Variants in CEP112 observed in about 807,000 individuals in gnomAD.
The protein encoded by CEP112 is centrosomal protein 112.
CEP112 carries 127 observed loss-of-function variants against 153.0 expected under a neutral mutation model. That is an observed-to-expected ratio of 0.83 (90% CI 0.72 to 0.96). The LOEUF (loss-of-function observed/expected upper bound fraction) is 0.96. Ranked by LOEUF, CEP112 falls within the 40% of genes least tolerant of loss-of-function variation. The pLI is 0.00. For missense variants in CEP112, 1,089 were observed against 1,101.2 expected (o/e 0.99, Z 0.16); for synonymous variants, 358 against 374.4 (o/e 0.96, Z 0.51).
intron 20 of CEP112, among the ~76,000 whole-genome samples, chr17:65,877,855 A>G (rs1241573097): frequency 6.6e-6 from 1 of 152,228 alleles, no homozygotes; most frequent in African/African-American, 2.4e-5. Flanking sequence ...ACAATGGAAT[A>G]TTATTCACCC....
chr17:65,657,539 C>T (rs760494861), intron 24 of CEP112, among the ~76,000 whole-genome samples: 34 of 152,116 alleles, frequency 2.2e-4, no homozygotes, highest in Non-Finnish European at 4.3e-4. Context: ...TCCCTGAAAG[C>T]GTTTGGGGAA....
chr17:66,164,505 G>C (rs149123684), intron 4 of CEP112, among the ~76,000 whole-genome samples: 5,035 of 149,950 alleles, frequency 0.034, 125 homozygotes, highest in Middle Eastern at 0.059. Context: ...TGCAGTGAGG[G>C]GAGATCGCGC....
At chr17:65,970,139 G>A (rs935425387) in intron 17 of CEP112, among the ~76,000 whole-genome samples, 1 of 152,140 alleles carries the variant, frequency 6.6e-6, no homozygotes, top group Admixed American at 6.5e-5. Context: ...TTGCATTTAT[G>A]TATTTTGCAT....
At chr17:65,915,924 AC>A (rs2060464196) in intron 19 of CEP112, among the ~76,000 whole-genome samples, 1 of 151,972 alleles carries the variant, frequency 6.6e-6, no homozygotes. Flanking sequence ...CCTGTACTGT[AC>A]TTTGGCTCCT....
In CEP112 at chr17:65,902,216, T is replaced by C; in HGVS notation, c.2099A>G (p.Gln700Arg). 2 of 1,614,060 alleles carry C rather than the reference T, an allele frequency of 1.2e-6. No individual in the cohort carries two copies. Among genetic ancestry groups the C allele is most frequent in the Non-Finnish European group, 1.7e-6 (2 of 1,179,990 alleles). Residue 700 changes from glutamine (Q) to arginine (R), a missense_variant, in exon 20 of 27, where the codon CAG becomes CGG. Coordinates refer to ENST00000535342, the MANE Select transcript of CEP112 (RefSeq NM_001199165.4). ...GTGCTCCATATTGGCAGCGCGAAGCTGTTTTTCCAGGTTTTCAATTTCCCG... is the reference window on the plus strand; with the variant it reads ...GTGCTCCATATTGGCAGCGCGAAGCCGTTTTTCCAGGTTTTCAATTTCCCG... The part of the protein sequence containing the change: ...HEREIENLEK[Q>R]LRAANMEHEN...
chr17:65,869,104 T>C (rs2058570205), intron 20 of CEP112, among the ~76,000 whole-genome samples: 1 of 152,228 alleles, frequency 6.6e-6, no homozygotes, highest in African/African-American at 2.4e-5. Flanking sequence ...TTTTCTATTT[T>C]TAACCTGCTG....
intron 23 of CEP112, among the ~76,000 whole-genome samples, chr17:65,740,121 G>A (rs2051044602): frequency 1.3e-5 from 2 of 151,972 alleles, no homozygotes; most frequent in South Asian, 4.2e-4. Context: ...TATGTTTTGG[G>A]ATGTGCATTT....
chr17:65,970,702 G>A (rs913728987), intron 17 of CEP112, among the ~76,000 whole-genome samples: 3 of 120,252 alleles, frequency 2.5e-5, no homozygotes, highest in Admixed American at 9.7e-5. Flanking sequence ...CATATTACAT[G>A]CATACACATG....
At chr17:66,001,429 T>C (rs1333187041) in intron 17 of CEP112, among the ~76,000 whole-genome samples, 3 of 152,244 alleles carry the variant, frequency 2.0e-5, no homozygotes, top group Non-Finnish European at 4.4e-5. Flanking sequence ...GAACTACTAC[T>C]GTACATATAC....
At chr17:65,834,765 A>C (rs2057234215) in intron 21 of CEP112, among the ~76,000 whole-genome samples, 1 of 152,198 alleles carries the variant, frequency 6.6e-6, no homozygotes, top group African/African-American at 2.4e-5. Flanking sequence ...AAATTAGTTC[A>C]ACCATTGTGG....
intron 24 of CEP112, among the ~76,000 whole-genome samples, chr17:65,672,113 C>T (rs965563680): frequency 6.6e-6 from 1 of 152,148 alleles, no homozygotes; most frequent in African/African-American, 2.4e-5. Flanking sequence ...AACTGTAATA[C>T]TCCTAAATAC....
chr17:65,739,266 A>T (rs577047109), intron 23 of CEP112, among the ~76,000 whole-genome samples: 2 of 152,326 alleles, frequency 1.3e-5, no homozygotes, highest in South Asian at 4.1e-4. Flanking sequence ...TTCTGATCCA[A>T]AGAATTATGG....
rs548583381 is a variant in CEP112 at position 66,062,182 on chromosome 17, C to T, written c.1074+781G>A. ...CCTTTATAAATTACCCAGTCTCAGGCAGTTCTTTATAACAGTATGAAAATG... is the reference window on the plus strand; with the variant it reads ...CCTTTATAAATTACCCAGTCTCAGGTAGTTCTTTATAACAGTATGAAAATG... On this transcript the variant is annotated intron_variant, in intron 11 of 26. Transcript: ENST00000535342. Among the ~76,000 whole-genome samples the T allele has an allele frequency of 2.7e-4, 41 of 151,496 alleles. No homozygotes were observed. In the East Asian group the frequency reaches 4.1e-3, roughly 15 times the overall value.
chr17:65,906,058 G>A (rs2060066263), intron 19 of CEP112, among the ~76,000 whole-genome samples: 1 of 151,946 alleles, frequency 6.6e-6, no homozygotes, highest in African/African-American at 2.4e-5. Flanking sequence ...TAAAGAAAAT[G>A]TGGCACATTT....
At chr17:66,129,704 T>C in intron 6 of CEP112, 42 bp downstream of exon 6, 4 of 1,318,920 alleles carry the variant, frequency 3.0e-6, no homozygotes, top group Non-Finnish European at 4.3e-6. Flanking sequence ...CAATATGATT[T>C]TGACACATCT....
intron 24 of CEP112, among the ~76,000 whole-genome samples, chr17:65,659,727 T>G (rs2046250307): frequency 6.6e-6 from 1 of 152,208 alleles, no homozygotes; most frequent in African/African-American, 2.4e-5. Context: ...AATACTTCCT[T>G]TAGGCTTTCT....
rs551862156 is a variant in CEP112, at chr17:66,170,300, C to A, written c.470+4744G>T. ...TTTATCAGACCTCCATGGTAAGTAT[C>A]TGAAGGCTGATCAGAAAGATAATAT... On this transcript the variant is annotated intron_variant, in intron 4 of 26. Coordinates refer to ENST00000535342, the MANE Select transcript of CEP112 (RefSeq NM_001199165.4). Among the ~76,000 whole-genome samples, 4 of 152,226 alleles carry A rather than the reference C, an allele frequency of 2.6e-5. No individual in the cohort carries two copies. The East Asian group carries it at 7.7e-4, about 29-fold the overall frequency.
At chr17:65,821,740 T>C (rs1478020076) in intron 21 of CEP112, among the ~76,000 whole-genome samples, 3 of 150,240 alleles carry the variant, frequency 2.0e-5, no homozygotes, top group Non-Finnish European at 4.4e-5. Context: ...TTAGTAGAGA[T>C]GAGGTTTCGC....
chr17:65,660,466 CCT>C (rs1252846227), intron 24 of CEP112, among the ~76,000 whole-genome samples: 2 of 9,296 alleles, frequency 2.2e-4, no homozygotes, highest in African/African-American at 3.9e-3. Flanking sequence ...CTCTCTCCTT[CCT>C]TCCTTCCTTC....
Sources: allele counts gnomAD v4.1 joint callset (sites outside exome capture counted in the v4.1 genomes callset), GRCh38; gene constraint gnomAD v4.1.1; transcripts MANE v1.5; gene names NCBI Gene and HGNC (gene_info 2026-07-23, HGNC 2026-07-21).